Variants in HCFC2 observed in about 807,000 individuals in gnomAD.
The protein encoded by HCFC2 is host cell factor C2.
In HCFC2, 18 loss-of-function variants were observed where a neutral mutation model predicts 89.2. The ratio of observed to expected loss-of-function variants is 0.20; its 90% CI spans 0.14 to 0.30. HCFC2 has a LOEUF of 0.30. Ranked by LOEUF, HCFC2 falls within the 10% of genes least tolerant of loss-of-function variation. HCFC2 has a pLI of 1.00. For missense variants in HCFC2, 578 were observed against 956.1 expected (o/e 0.60, Z 5.21); for synonymous variants, 308 against 335.7 (o/e 0.92, Z 0.90).
At chr12:104,069,810 G>A (rs1055527708) in intron 3 of HCFC2, among the ~76,000 whole-genome samples, 2 of 151,782 alleles carry the variant, frequency 1.3e-5, no homozygotes, top group African/African-American at 2.4e-5. Context: ...TTTAAGCCCC[G>A]CATGCATTAG....
rs141857858 is a variant in HCFC2 at position 104,095,997 on chromosome 12, G to A, written c.1667-363G>A. Among the ~76,000 whole-genome samples the A allele has an allele frequency of 0.012, 1,825 of 152,184 alleles. 22 individuals are homozygous for A. Among genetic ancestry groups the A allele is most frequent in the Non-Finnish European group, 0.017 (1,185 of 67,994 alleles). On this transcript the variant is annotated intron_variant, in intron 11 of 14. Coordinates refer to ENST00000229330, the MANE Select transcript of HCFC2 (RefSeq NM_013320.3). The surrounding 1 kb of genome is among the most constrained non-coding windows in gnomAD (Gnocchi z 4.2). ...TTAGACAAGATTGGTTCTAGACTGTGTATTAACAATTCTTCCAACTTGCTT... is the reference window on the plus strand; with the variant it reads ...TTAGACAAGATTGGTTCTAGACTGTATATTAACAATTCTTCCAACTTGCTT...
chr12:104,097,088 G>A (rs1884198769), intron 12 of HCFC2, among the ~76,000 whole-genome samples: 1 of 151,970 alleles, frequency 6.6e-6, no homozygotes, highest in Non-Finnish European at 1.5e-5. Context: ...GTCTTACTTA[G>A]ATAAATACAA....
In HCFC2 at chr12:104,103,075, A is replaced by G. The variant is rs756441569; in HGVS notation, c.2181A>G (p.Gln727=). The part of the protein sequence containing the change: ...RTAQIQDNPS[Q]LVFMRIYCGL... ...CACAGATACAAGATAATCCAAGTCA[A>G]CTTGTGTTCATGAGGATTTATTGTG... The change falls in exon 15 of 15, where the codon CAA becomes CAG. Residue 727 remains glutamine, a synonymous_variant. Transcript: ENST00000229330. 16 of 1,613,948 alleles carry G rather than the reference A, an allele frequency of 9.9e-6. No homozygotes were observed. The highest frequency in any genetic ancestry group is 6.7e-5 in the Admixed American group (4 of 59,998).
chr12:104,079,830 T>A (rs1014139524), intron 4 of HCFC2, among the ~76,000 whole-genome samples, 177 bp downstream of exon 4: 1 of 152,226 alleles, frequency 6.6e-6, no homozygotes, highest in African/African-American at 2.4e-5. Context: ...AGAAAATGAA[T>A]GTTTGGTTTA....
rs2030005307 is a variant in HCFC2 at position 104,103,306 on chromosome 12, G to T, written c.*33G>T. The T allele has an allele frequency of 1.3e-6, 2 of 1,514,676 alleles. No individual in the cohort carries two copies. The highest frequency in any genetic ancestry group is 1.8e-5 in the Admixed American group (1 of 56,658). 93.8% of individuals were successfully genotyped at this position (1,514,676 alleles called of 1,614,324 possible). On this transcript the variant is annotated 3_prime_UTR_variant, in exon 15 of 15. Transcript: ENST00000229330. ...TTTTTACTGAAGCTATTGTGATGAT[G>T]ATTATTTATTAGTAACTGGTTATGA...
At chr12:104,072,940 G>T (rs891925685) in intron 3 of HCFC2, among the ~76,000 whole-genome samples, 1 of 151,482 alleles carries the variant, frequency 6.6e-6, no homozygotes, top group African/African-American at 2.4e-5. Flanking sequence ...CACCGCACCC[G>T]GCCGATTTGG....
At chr12:104,101,098 T>C (rs146119220) in intron 13 of HCFC2, among the ~76,000 whole-genome samples, 11 of 152,282 alleles carry the variant, frequency 7.2e-5, no homozygotes, top group Middle Eastern at 3.4e-3. Context: ...GTAAAAATTG[T>C]TTGAAAGTTG....
At chr12:104,080,528 A>G (rs1430095448) in intron 4 of HCFC2, 5 of 349,020 alleles carry the variant, frequency 1.4e-5, no homozygotes, top group South Asian at 1.1e-4. Flanking sequence ...TGCAGCACCC[A>G]TAGATATGGA....
At position 104,082,582 on chromosome 12, in the gene HCFC2, A is replaced by G. The variant is rs1883715321; in HGVS notation, c.850A>G (p.Ser284Gly). The change falls in exon 6 of 15, where the codon AGT becomes GGT. Residue 284 changes from serine (S) to glycine (G), a missense_variant. By Grantham distance (56) the Ser-to-Gly change is moderately conservative. Around this residue, in one of 4 missense-constraint regions of HCFC2, gnomAD observed 206 missense variants for 419.2 expected, o/e 0.49. Coordinates refer to ENST00000229330, the MANE Select transcript of HCFC2 (RefSeq NM_013320.3). ...SPHDCEWRCT[S>G]SFSYLNLDTT... The stretch of plus-strand genomic sequence containing the variant: ...TCATGATTGTGAATGGAGATGTACC[A>G]GTTCATTTTCTTACCTAAATCTGGG... 3.1e-6 allele frequency: 5 copies of G among 1,612,856 alleles called. No individual in the cohort carries two copies. The East Asian group carries it at 1.1e-4, about 36-fold the overall frequency.
chr12:104,091,369 C>T (rs1002615139), intron 9 of HCFC2, among the ~76,000 whole-genome samples: 27 of 152,316 alleles, frequency 1.8e-4, no homozygotes, highest in Admixed American at 3.9e-4. Flanking sequence ...CCACTGACTG[C>T]ACTGGGCCCT....
At position 104,095,363 on chromosome 12, in the gene HCFC2, C is replaced by T. The variant is rs911883315; in HGVS notation, c.1466C>T (p.Pro489Leu). 6.2e-7 allele frequency: 1 copy of T among 1,611,062 alleles called. No individual in the cohort carries two copies. Among genetic ancestry groups the T allele is most frequent in the African/African-American group, 1.3e-5 (1 of 74,946 alleles). Reference sequence around the variant, plus strand: ...TACCTTTTCCCTTTTATTTTAGGTCCTCACACTTCAGCAAATGTAGGTGTT... The same window carrying T: ...TACCTTTTCCCTTTTATTTTAGGTCTTCACACTTCAGCAAATGTAGGTGTT... Reference protein sequence around the residue: ...VVDMLRKNEGPHTSANVGVLS... With the variant: ...VVDMLRKNEGLHTSANVGVLS... The change falls in exon 11 of 15, where the codon CCT becomes CTT. Residue 489 changes from proline to leucine, a missense_variant. Coordinates refer to ENST00000229330, the MANE Select transcript of HCFC2 (RefSeq NM_013320.3). The surrounding 1 kb of genome is among the most constrained non-coding windows in gnomAD (Gnocchi z 4.2).
chr12:104,095,530 A>G lies in HCFC2; in HGVS notation c.1633A>G (p.Thr545Ala). ...AAATGGGGCAGTTGTTAAAGATGAAACTTCACTAACAACATTCAGTACCAA... is the reference window on the plus strand; with the variant it reads ...AAATGGGGCAGTTGTTAAAGATGAAGCTTCACTAACAACATTCAGTACCAA... The part of the protein sequence containing the change: ...STNGAVVKDE[T>A]SLTTFSTKSE... Residue 545 changes from threonine to alanine, a missense_variant, in exon 11 of 15, where the codon ACT (threonine) becomes GCT (alanine). This residue lies in a region of HCFC2 where 210 missense variants were observed against 251.7 expected (regional missense o/e 0.83). Transcript: ENST00000229330. This position sits in a 1 kb window ranked among gnomAD's most constrained non-coding sequence, Gnocchi z 4.2. 1 of 1,613,586 alleles carries G rather than the reference A, an allele frequency of 6.2e-7. No individual in the cohort carries two copies. Among genetic ancestry groups the G allele is most frequent in the South Asian group, 1.1e-5 (1 of 91,064 alleles).
intron 7 of HCFC2, among the ~76,000 whole-genome samples, chr12:104,083,545 A>T (rs991236584): frequency 6.6e-6 from 1 of 152,190 alleles, no homozygotes; most frequent in Non-Finnish European, 1.5e-5. Context: ...AAAACTGGTG[A>T]AATCTGAGTT....
rs1565818325 is a variant in HCFC2, at chr12:104,105,541, T to A, written c.*2268T>A. On this transcript the variant is annotated 3_prime_UTR_variant, in exon 15 of 15. Transcript: ENST00000229330. Reference sequence around the variant, plus strand: ...TTCTATACTGAGGGATTTGTTAAAATCATAAATGTTTTTGCCCTGAGACTT... The same window carrying A: ...TTCTATACTGAGGGATTTGTTAAAAACATAAATGTTTTTGCCCTGAGACTT... 1 of 151,816 alleles carries A rather than the reference T, an allele frequency of 6.6e-6. No individual in the cohort carries two copies. Among genetic ancestry groups the A allele is most frequent in the Non-Finnish European group, 1.5e-5 (1 of 67,840 alleles). The allele number at this position is 151,816 out of a possible 1,614,324, so 9.4% of individuals were successfully genotyped here.
chr12:104,068,128 C>G lies in HCFC2; in HGVS notation c.473+21C>G, dbSNP rs771988163. ...CCCAGGTATGCTGACTCTTTCAGAC[C>G]AAATGCTTATTTTATGATTTAGAGT... is the stretch of plus-strand genomic sequence containing the variant. On this transcript the variant is annotated intron_variant, in intron 3 of 14. Coordinates refer to ENST00000229330, the MANE Select transcript of HCFC2 (RefSeq NM_013320.3). The surrounding 1 kb of genome is among the most constrained non-coding windows in gnomAD (Gnocchi z 4.1). The G allele has an allele frequency of 6.5e-7, 1 of 1,534,812 alleles. No individual in the cohort carries two copies. Among genetic ancestry groups the G allele is most frequent in the Non-Finnish European group, 8.7e-7 (1 of 1,144,790 alleles).
chr12:104,069,053 C>A (rs777751922), intron 3 of HCFC2, among the ~76,000 whole-genome samples: 24 of 152,088 alleles, frequency 1.6e-4, no homozygotes, highest in Non-Finnish European at 3.2e-4. Flanking sequence ...TGCCTATAAT[C>A]CCAGCACTTT....
At position 104,105,141 on chromosome 12, in the gene HCFC2, AT is replaced by A. The variant is rs2030052126; in HGVS notation, c.*1872del. On this transcript the variant is annotated 3_prime_UTR_variant, in exon 15 of 15. Coordinates refer to ENST00000229330, the MANE Select transcript of HCFC2 (RefSeq NM_013320.3). ...CCAAAGTTAAAATACATGGTAAGCAATTTTGCACATATTAAATATTAGGGTT... is the reference window on the plus strand; with the variant it reads ...CCAAAGTTAAAATACATGGTAAGCAATTTGCACATATTAAATATTAGGGTT... The A allele has an allele frequency of 6.6e-6, 1 of 152,010 alleles. No homozygotes were observed. The highest frequency in any genetic ancestry group is 2.4e-5 in the African/African-American group (1 of 41,424). The allele number at this position is 152,010 out of a possible 1,614,324, so 9.4% of individuals were successfully genotyped here. A position where few individuals can be genotyped will look rare whatever the true frequency, so the allele number is the denominator to read the frequency against.
At chr12:104,079,371 T>A (rs1883613288) in intron 3 of HCFC2, 74 bp from the exon 4 acceptor site, 1 of 1,194,748 alleles carries the variant, frequency 8.4e-7, no homozygotes, top group Non-Finnish European at 1.2e-6. Context: ...CATTTTATCT[T>A]TATAAATAGA....
At position 104,093,539 on chromosome 12, in the gene HCFC2, G is replaced by A. The variant is rs780515793; in HGVS notation, c.1438G>A (p.Val480Met). 1.2e-6 allele frequency: 2 copies of A among 1,610,714 alleles called. No homozygotes were observed. Among genetic ancestry groups the A allele is most frequent in the Non-Finnish European group, 1.7e-6 (2 of 1,178,672 alleles). ...TGCTTCTAATCATAATAGTCATGTG[G>A]TGGATATGCTAAGGAAAAATGAAGG... ...SNASNHNSHV[V>M]DMLRKNEGPH... The change falls in exon 10 of 15, where the codon GTG becomes ATG. Residue 480 changes from valine to methionine, a missense_variant. By Grantham distance (21) the Val-to-Met change is conservative (BLOSUM62 1). Coordinates refer to ENST00000229330, the MANE Select transcript of HCFC2 (RefSeq NM_013320.3).
Sources: allele counts gnomAD v4.1 joint callset (sites outside exome capture counted in the v4.1 genomes callset), GRCh38; gene constraint gnomAD v4.1.1; regional missense constraint gnomAD v4.1.1; non-coding constraint Gnocchi (gnomAD v3.1); transcripts MANE v1.5; gene names NCBI Gene and HGNC (gene_info 2026-07-23, HGNC 2026-07-21).